Variants in WDPCP observed in about 807,000 individuals in gnomAD.
WDPCP encodes the protein WD repeat containing planar cell polarity effector.
A neutral mutation model predicts 93.1 loss-of-function variants in WDPCP; 71 were observed. That is an observed-to-expected ratio of 0.76 (90% CI 0.63 to 0.93). The LOEUF (loss-of-function observed/expected upper bound fraction) is 0.93. Ranked by LOEUF, WDPCP falls within the 40% of genes least tolerant of loss-of-function variation. The pLI, the probability that WDPCP is intolerant of heterozygous loss-of-function variation, is 0.00. For missense variants in WDPCP, 844 were observed against 887.4 expected (o/e 0.95, Z 0.62); for synonymous variants, 315 against 315.0 (o/e 1.00, Z 0.00).
chr2:63,313,868 A>ATGTGTGTG (rs1308369877), intron 12 of WDPCP, among the ~76,000 whole-genome samples: 2 of 7,260 alleles, frequency 2.8e-4, no homozygotes, highest in African/African-American at 1.0e-3. Flanking sequence ...ATATATATAT[A>ATGTGTGTG]TATATATATA....
At chr2:63,446,887 T>C (rs1326688757) in intron 6 of WDPCP, among the ~76,000 whole-genome samples, 1 of 152,226 alleles carries the variant, frequency 6.6e-6, no homozygotes, top group Non-Finnish European at 1.5e-5. Context: ...GAATAACTTA[T>C]CCGTGAGGTA....
At chr2:63,664,152 T>A (rs1297916679) in intron 2 of WDPCP, among the ~76,000 whole-genome samples, 1 of 152,186 alleles carries the variant, frequency 6.6e-6, no homozygotes, top group African/African-American at 2.4e-5. Flanking sequence ...ACAATCTCAG[T>A]TTAGGCATCA....
intron 13 of WDPCP, among the ~76,000 whole-genome samples, chr2:63,300,994 G>T (rs1189533108): frequency 6.6e-6 from 1 of 151,836 alleles, no homozygotes; most frequent in Non-Finnish European, 1.5e-5. Flanking sequence ...GGCATTTCCA[G>T]GTCTCTATCT....
chr2:63,584,313 A>G (rs577376173), intron 1 of WDPCP, among the ~76,000 whole-genome samples: 1 of 152,292 alleles, frequency 6.6e-6, no homozygotes, highest in East Asian at 1.9e-4. Flanking sequence ...GCTCTTATTT[A>G]TGGTTTTACC....
intron 2 of WDPCP, among the ~76,000 whole-genome samples, chr2:63,807,676 A>G (rs751194141): frequency 6.6e-6 from 1 of 152,230 alleles, no homozygotes; most frequent in Non-Finnish European, 1.5e-5. Flanking sequence ...ATAAATTTAA[A>G]ATCACTATAA....
chr2:63,205,457 A>G (rs1676268902), intron 14 of WDPCP, among the ~76,000 whole-genome samples: 1 of 152,162 alleles, frequency 6.6e-6, no homozygotes, highest in South Asian at 2.1e-4. Context: ...CCAATCCATG[A>G]ACATGGAATA....
chr2:63,301,763 C>T (rs1685350004), intron 13 of WDPCP, among the ~76,000 whole-genome samples: 1 of 151,730 alleles, frequency 6.6e-6, no homozygotes, highest in Non-Finnish European at 1.5e-5. Context: ...CACTGAGTCA[C>T]ACCAAAAGGA....
chr2:63,254,853 G>C (rs1260734766), intron 14 of WDPCP, among the ~76,000 whole-genome samples: 1 of 152,110 alleles, frequency 6.6e-6, no homozygotes, highest in East Asian at 1.9e-4. Flanking sequence ...AAAACCATGA[G>C]TCTGTAAGTC....
At chr2:63,291,548 T>C (rs568535078) in intron 13 of WDPCP, among the ~76,000 whole-genome samples, 1 of 152,246 alleles carries the variant, frequency 6.6e-6, no homozygotes, top group South Asian at 2.1e-4. Context: ...GTCGTTCACA[T>C]CTGTAATTCC....
intron 12 of WDPCP, among the ~76,000 whole-genome samples, chr2:63,340,243 G>A (rs544157736): frequency 3.5e-4 from 54 of 152,284 alleles, no homozygotes; most frequent in African/African-American, 1.2e-3. Flanking sequence ...TATAGTAAAT[G>A]ATCAGAGTTC....
At chr2:63,430,559 A>T (rs1696668079) in intron 9 of WDPCP, among the ~76,000 whole-genome samples, 1 of 152,158 alleles carries the variant, frequency 6.6e-6, no homozygotes, top group African/African-American at 2.4e-5. Flanking sequence ...TAGACTACAT[A>T]ATTCTCTCTG....
At chr2:63,472,633 G>C (rs1010921320) in intron 6 of WDPCP, among the ~76,000 whole-genome samples, 1 of 151,872 alleles carries the variant, frequency 6.6e-6, no homozygotes, top group African/African-American at 2.4e-5. Flanking sequence ...CTGTCTCCCA[G>C]GCTGGAGTAC....
At chr2:63,361,046 C>T (rs1469816672) in intron 12 of WDPCP, among the ~76,000 whole-genome samples, 2 of 152,186 alleles carry the variant, frequency 1.3e-5, no homozygotes, top group Non-Finnish European at 2.9e-5. Flanking sequence ...GTCCGTCTTC[C>T]AGCCGCAGAT....
chr2:63,733,232 G>A (rs537526599), intron 2 of WDPCP, among the ~76,000 whole-genome samples: 67 of 114,650 alleles, frequency 5.8e-4, no homozygotes, highest in African/African-American at 2.2e-3. Context: ...TCGCTCTGTC[G>A]CCCAGGCCGG....
At chr2:63,666,083 T>G (rs1028222131) in intron 2 of WDPCP, among the ~76,000 whole-genome samples, 3 of 152,244 alleles carry the variant, frequency 2.0e-5, no homozygotes, top group African/African-American at 7.2e-5. Context: ...CTGAAACTTC[T>G]GTGTTTCAAA....
chr2:63,625,029 C>T (rs1648166790), intron 3 of WDPCP, among the ~76,000 whole-genome samples: 1 of 152,162 alleles, frequency 6.6e-6, no homozygotes, highest in Non-Finnish European at 1.5e-5. Flanking sequence ...TCCACATATG[C>T]AAATCAATAA....
At chr2:63,430,887 A>G (rs981743216) in intron 9 of WDPCP, among the ~76,000 whole-genome samples, 1 of 152,202 alleles carries the variant, frequency 6.6e-6, no homozygotes, top group South Asian at 2.1e-4. Flanking sequence ...TCTAAAATAT[A>G]TGTGTGGACT....
intron 2 of WDPCP, among the ~76,000 whole-genome samples, chr2:63,726,822 T>A (rs1239354050): frequency 6.6e-6 from 1 of 152,198 alleles, no homozygotes. Context: ...GTGAATGGGA[T>A]TGAGTTCTTG....
intron 12 of WDPCP, among the ~76,000 whole-genome samples, chr2:63,317,202 A>G (rs1185583309): frequency 2.0e-5 from 3 of 152,112 alleles, no homozygotes; most frequent in Non-Finnish European, 4.4e-5. Context: ...GAACCAGGCC[A>G]GGCATGGTGG....
Sources: allele counts gnomAD v4.1 joint callset (sites outside exome capture counted in the v4.1 genomes callset), GRCh38; gene constraint gnomAD v4.1.1; transcripts MANE v1.5; gene names NCBI Gene and HGNC (gene_info 2026-07-23, HGNC 2026-07-21).